The following BICC1 variants were observed in gnomAD, a reference collection of about 807,000 sequenced individuals.
The protein encoded by BICC1 is BicC family RNA binding protein 1.
A neutral mutation model predicts 111.0 loss-of-function variants in BICC1; 43 were observed. The ratio of observed to expected loss-of-function variants is 0.39; its 90% CI spans 0.30 to 0.50. The LOEUF (loss-of-function observed/expected upper bound fraction) is 0.50, where lower values mean the gene tolerates loss of function less well. Among genes scored for constraint, BICC1 ranks in the 20% least tolerant of loss-of-function variants. BICC1 has a pLI of 0.88. For synonymous variants in BICC1, 467 were observed against 434.4 expected (o/e 1.07, Z -0.93); for missense variants, 1,091 against 1,203.2 (o/e 0.91, Z 1.38).
intron 1 of BICC1, among the ~76,000 whole-genome samples, chr10:58,552,319 TC>T (rs1333017579): frequency 1.3e-5 from 2 of 152,150 alleles, no homozygotes; most frequent in African/African-American, 4.8e-5. Context: ...TATTCTTATT[TC>T]TTTTTTTATT....
At chr10:58,765,067 T>A (rs1381500299) in intron 3 of BICC1, among the ~76,000 whole-genome samples, 3 of 152,058 alleles carry the variant, frequency 2.0e-5, no homozygotes, top group Non-Finnish European at 4.4e-5. Context: ...GTATGGGTTT[T>A]TTGTTTGTTT....
intron 18 of BICC1, among the ~76,000 whole-genome samples, chr10:58,814,828 G>A (rs1844035864): frequency 6.6e-6 from 1 of 151,930 alleles, no homozygotes; most frequent in Non-Finnish European, 1.5e-5. Flanking sequence ...AAATGTGATT[G>A]AATTAGCATC....
intron 1 of BICC1, among the ~76,000 whole-genome samples, chr10:58,545,595 G>A (rs180720504): frequency 3.3e-5 from 5 of 152,174 alleles, no homozygotes; most frequent in African/African-American, 4.8e-5. Context: ...TCAAAATTGC[G>A]CACATGGGAA....
At chr10:58,569,473 T>G (rs1843876763) in intron 1 of BICC1, among the ~76,000 whole-genome samples, 1 of 152,142 alleles carries the variant, frequency 6.6e-6, no homozygotes, top group African/African-American at 2.4e-5. Context: ...ACACATGACA[T>G]GGTGGTTCGC....
intron 2 of BICC1, among the ~76,000 whole-genome samples, chr10:58,636,039 C>T (rs1218203950): frequency 6.6e-6 from 1 of 152,128 alleles, no homozygotes; most frequent in African/African-American, 2.4e-5. Flanking sequence ...CACTAATAGT[C>T]CAACTAGTTT....
chr10:58,820,289 G>A (rs1844216238), intron 19 of BICC1, 80 bp from the exon 20 acceptor site: 1 of 908,764 alleles, frequency 1.1e-6, no homozygotes, highest in African/African-American at 1.6e-5. Flanking sequence ...ATAAATAAGT[G>A]TGACAACAAG....
chr10:58,633,258 G>A (rs1837853705), intron 2 of BICC1, among the ~76,000 whole-genome samples: 1 of 152,182 alleles, frequency 6.6e-6, no homozygotes, highest in Non-Finnish European at 1.5e-5. Flanking sequence ...GCAACTGTGA[G>A]CCAATTAAAC....
chr10:58,612,073 C>G (rs539896575), intron 1 of BICC1, among the ~76,000 whole-genome samples: 2 of 152,248 alleles, frequency 1.3e-5, no homozygotes, highest in Admixed American at 6.5e-5. Flanking sequence ...TGAAAATTCT[C>G]ACACTTATGA....
At chr10:58,745,599 A>ACC (rs1564589090) in intron 3 of BICC1, among the ~76,000 whole-genome samples, 147 of 41,706 alleles carry the variant, frequency 3.5e-3, no homozygotes, top group East Asian at 6.8e-3. Flanking sequence ...AGAGCCCCCC[A>ACC]CCGCCCCCCC....
Position 58,639,394 on chromosome 10 carries a change from T to TA in BICC1, c.237+18496dup, listed in dbSNP as rs1354869074. 2.2e-4 allele frequency among the ~76,000 whole-genome samples: 21 copies of TA among 93,722 alleles called. 1 individual carries two copies. Among genetic ancestry groups the TA allele is most frequent in the Admixed American group, 7.6e-4 (4 of 5,290 alleles). The allele number at this position is 93,722 out of a possible 152,430, so 61.5% of individuals were successfully genotyped here. A position where few individuals can be genotyped will look rare whatever the true frequency, so the allele number is the denominator to read the frequency against. ...GATCATCAGTGGTGAGTCTGCCATT[T>TA]AAATTTTTTTTTTTTTTTTTGAGAC... On this transcript the variant is annotated intron_variant, in intron 2 of 20. Transcript: ENST00000373886.
At chr10:58,633,328 A>G (rs927728042) in intron 2 of BICC1, among the ~76,000 whole-genome samples, 1 of 152,228 alleles carries the variant, frequency 6.6e-6, no homozygotes, top group African/African-American at 2.4e-5. Flanking sequence ...ATGAGAACAA[A>G]CTAATACAAT....
intron 3 of BICC1, among the ~76,000 whole-genome samples, chr10:58,706,374 T>G (rs938958343): frequency 6.6e-6 from 1 of 152,218 alleles, no homozygotes; most frequent in African/African-American, 2.4e-5. Flanking sequence ...CAATGAGCAT[T>G]TATCACACTG....
intron 2 of BICC1, among the ~76,000 whole-genome samples, chr10:58,671,582 A>G (rs570121698): frequency 5.6e-4 from 85 of 152,240 alleles, no homozygotes; most frequent in African/African-American, 2.0e-3. Flanking sequence ...TGTCCAGCTA[A>G]AAATGGGGTT....
At chr10:58,623,943 A>G (rs1037181971) in intron 2 of BICC1, among the ~76,000 whole-genome samples, 2 of 152,082 alleles carry the variant, frequency 1.3e-5, no homozygotes, top group African/African-American at 4.8e-5. Context: ...TTCACCACAA[A>G]TGAGATTGTT....
chr10:58,782,093 T>A (rs571065496), intron 3 of BICC1, among the ~76,000 whole-genome samples: 2 of 152,210 alleles, frequency 1.3e-5, no homozygotes, highest in Non-Finnish European at 2.9e-5. Flanking sequence ...CCCTTTCACT[T>A]TGAATGAAAG....
chr10:58,579,036 A>T (rs548973908), intron 1 of BICC1, among the ~76,000 whole-genome samples: 2 of 152,208 alleles, frequency 1.3e-5, no homozygotes, highest in Non-Finnish European at 2.9e-5. Flanking sequence ...GTTCTGGTTC[A>T]TAATGTTTCA....
chr10:58,729,456 G>T (rs1443502530), intron 3 of BICC1, among the ~76,000 whole-genome samples: 1 of 152,158 alleles, frequency 6.6e-6, no homozygotes, highest in Non-Finnish European at 1.5e-5. Context: ...CTTTGCTCTG[G>T]ATTAGGCTTT....
At chr10:58,797,667 G>C (rs906448569) in intron 10 of BICC1, among the ~76,000 whole-genome samples, 6 of 152,054 alleles carry the variant, frequency 3.9e-5, no homozygotes, top group African/African-American at 1.4e-4. Flanking sequence ...TGTTTTCATT[G>C]CTATACCTAT....
chr10:58,675,784 C>T (rs1839319912), intron 2 of BICC1, among the ~76,000 whole-genome samples: 3 of 152,104 alleles, frequency 2.0e-5, no homozygotes, highest in African/African-American at 4.8e-5. Context: ...TGAATATATC[C>T]CATCTTTACT....
Sources: allele counts gnomAD v4.1 joint callset (sites outside exome capture counted in the v4.1 genomes callset), GRCh38; gene constraint gnomAD v4.1.1; transcripts MANE v1.5; gene names NCBI Gene and HGNC (gene_info 2026-07-23, HGNC 2026-07-21).